ASIC2: variants seen among roughly 807,000 people sequenced by gnomAD.
The protein encoded by ASIC2 is acid-sensing ion channel 2.
In ASIC2, 25 loss-of-function variants were observed where a neutral mutation model predicts 57.3. The observed-to-expected ratio is 0.44, with a 90% CI of 0.32 to 0.61. The LOEUF (loss-of-function observed/expected upper bound fraction) is 0.61, where lower values mean the gene tolerates loss of function less well. ASIC2 is among the 20% of genes least tolerant of loss of function. The probability of loss-of-function intolerance (pLI) is 0.06; values close to 1 mark genes in which losing one functional copy is unlikely to be tolerated. For missense variants in ASIC2, 641 were observed against 738.1 expected, an observed-to-expected ratio of 0.87 and a Z score of 1.52; for synonymous variants, 319 against 307.5, an observed-to-expected ratio of 1.04 and a Z score of -0.39.
At chr17:33,870,739 T>C (rs113050845) in intron 1 of ASIC2, among the ~76,000 whole-genome samples, 2,554 of 152,274 alleles carry the variant, frequency 0.017, 60 homozygotes, top group African/African-American at 0.058. Context: ...TGTTGACAAC[T>C]CTTAGAACAG....
chr17:33,974,185 C>T (rs1038973711), intron 1 of ASIC2, among the ~76,000 whole-genome samples: 2 of 152,112 alleles, frequency 1.3e-5, no homozygotes, highest in African/African-American at 4.8e-5. Flanking sequence ...AGCAGTCTGG[C>T]TTGCAAGTCA....
At chr17:33,213,178 AG>A (rs1312106178) in intron 1 of ASIC2, among the ~76,000 whole-genome samples, 1 of 152,206 alleles carries the variant, frequency 6.6e-6, no homozygotes, top group Non-Finnish European at 1.5e-5. Context: ...ACAATCCCAC[AG>A]GGGGAAGCTC....
chr17:34,142,303 A>C (rs16969242), intron 1 of ASIC2, among the ~76,000 whole-genome samples: 22,158 of 152,172 alleles, frequency 0.15, 2,068 homozygotes, highest in African/African-American at 0.27. Flanking sequence ...GGGAAATACA[A>C]GGGAACACAG....
At chr17:33,806,055 A>G (rs1204050919) in intron 1 of ASIC2, among the ~76,000 whole-genome samples, 1 of 152,010 alleles carries the variant, frequency 6.6e-6, no homozygotes, top group African/African-American at 2.4e-5. Flanking sequence ...ACTCATTCCC[A>G]TGGGGGCCAC....
chr17:33,864,641 C>T (rs1914184935), intron 1 of ASIC2, among the ~76,000 whole-genome samples: 1 of 152,148 alleles, frequency 6.6e-6, no homozygotes, highest in Non-Finnish European at 1.5e-5. Context: ...TTCTGAATTT[C>T]CCAGCAGCGA....
intron 1 of ASIC2, among the ~76,000 whole-genome samples, chr17:33,915,166 A>G (rs904106550): frequency 1.3e-5 from 2 of 152,222 alleles, no homozygotes; most frequent in Non-Finnish European, 2.9e-5. Context: ...ATTATTGGTG[A>G]CAAGACCAAT....
chr17:33,061,513 A>C (rs567198815), intron 3 of ASIC2, among the ~76,000 whole-genome samples: 4 of 152,254 alleles, frequency 2.6e-5, no homozygotes, highest in South Asian at 4.1e-4. Context: ...GGATGAAGAC[A>C]ACTTGATCAT....
chr17:34,066,292 CTT>C (rs1374200964), intron 1 of ASIC2, among the ~76,000 whole-genome samples: 1 of 152,240 alleles, frequency 6.6e-6, no homozygotes, highest in Non-Finnish European at 1.5e-5. Context: ...TCGTTCATCT[CTT>C]TGTGATCTCT....
At chr17:33,134,256 C>G (rs575191820) in intron 1 of ASIC2, among the ~76,000 whole-genome samples, 1 of 152,334 alleles carries the variant, frequency 6.6e-6, no homozygotes, top group South Asian at 2.1e-4. Context: ...CAAGGTAGAG[C>G]TGGGATTCAC....
rs142289665 is a variant in ASIC2 at position 33,243,649 on chromosome 17, C to T, written c.708+47759G>A. Among the ~76,000 whole-genome samples, 1,195 of 152,230 alleles carry T rather than the reference C, an allele frequency of 7.8e-3. 4 individuals carry two copies. Among genetic ancestry groups the T allele is most frequent in the Middle Eastern group, 0.017 (5 of 294 alleles). ...ATTCAACATACAGGAACGATCCCTCCGGGAAGATTTAAACACATCTTCTTT... is the reference window on the plus strand; with the variant it reads ...ATTCAACATACAGGAACGATCCCTCTGGGAAGATTTAAACACATCTTCTTT... On this transcript the variant is annotated intron_variant, in intron 1 of 9. Transcript: ENST00000225823.
intron 1 of ASIC2, among the ~76,000 whole-genome samples, chr17:34,129,316 A>C (rs1421944623): frequency 6.6e-6 from 1 of 152,104 alleles, no homozygotes; most frequent in Non-Finnish European, 1.5e-5. Flanking sequence ...ACTCTGCCTC[A>C]CTCTGAGGCC....
At chr17:34,107,041 A>G (rs1911088265) in intron 1 of ASIC2, among the ~76,000 whole-genome samples, 2 of 152,314 alleles carry the variant, frequency 1.3e-5, no homozygotes, top group South Asian at 4.1e-4. Flanking sequence ...ATGCAGGTGC[A>G]TACATATATG....
intron 1 of ASIC2, among the ~76,000 whole-genome samples, chr17:33,572,690 T>C (rs767335021): frequency 2.6e-5 from 4 of 152,208 alleles, no homozygotes; most frequent in Non-Finnish European, 5.9e-5. Context: ...GCCGCTTACC[T>C]GAATCAAGGC....
At chr17:33,099,205 C>T (rs191279202) in intron 2 of ASIC2, among the ~76,000 whole-genome samples, 29 of 151,876 alleles carry the variant, frequency 1.9e-4, no homozygotes, top group East Asian at 5.8e-4. Flanking sequence ...TTAGTGGAGA[C>T]GGGGTTTCTC....
intron 1 of ASIC2, among the ~76,000 whole-genome samples, chr17:33,208,758 T>C (rs1220998486): frequency 6.6e-6 from 1 of 152,202 alleles, no homozygotes; most frequent in Non-Finnish European, 1.5e-5. Flanking sequence ...TGTTGACTGA[T>C]GTAGTCTCAG....
chr17:33,451,181 C>T (rs149736966), intron 1 of ASIC2, among the ~76,000 whole-genome samples: 2,401 of 151,742 alleles, frequency 0.016, 40 homozygotes, highest in Non-Finnish European at 0.025. Flanking sequence ...TTCAGCCACC[C>T]GAGTAGCTGG....
intron 1 of ASIC2, among the ~76,000 whole-genome samples, chr17:33,147,655 G>A (rs948113234): frequency 1.3e-5 from 2 of 152,144 alleles, no homozygotes; most frequent in Non-Finnish European, 2.9e-5. Flanking sequence ...TGCCATAGGA[G>A]GATCTGCTAA....
chr17:33,710,123 A>T (rs1456614079), intron 1 of ASIC2, among the ~76,000 whole-genome samples: 1 of 152,174 alleles, frequency 6.6e-6, no homozygotes, highest in East Asian at 1.9e-4. Flanking sequence ...CTGAGATCTG[A>T]TGTCTGCACC....
chr17:33,056,036 A>G (rs960406769), intron 3 of ASIC2, among the ~76,000 whole-genome samples: 1 of 152,246 alleles, frequency 6.6e-6, no homozygotes, highest in African/African-American at 2.4e-5. Flanking sequence ...GAGGATTCTC[A>G]TGCTGGAGCT....
Sources: allele counts gnomAD v4.1 joint callset (sites outside exome capture counted in the v4.1 genomes callset), GRCh38; gene constraint gnomAD v4.1.1; transcripts MANE v1.5; gene names NCBI Gene and HGNC (gene_info 2026-07-23, HGNC 2026-07-21).